MED13: variants seen among roughly 807,000 people sequenced by gnomAD.
MED13 encodes mediator complex subunit 13.
MED13 carries 23 observed loss-of-function variants against 225.2 expected under a neutral mutation model. The ratio of observed to expected loss-of-function variants is 0.10; its 90% CI spans 0.07 to 0.14. The LOEUF (loss-of-function observed/expected upper bound fraction) is 0.14. MED13 is among the 10% of genes least tolerant of loss of function. The pLI is 1.00. For missense variants in MED13, 2,197 were observed against 2,594.5 expected (o/e 0.85, Z 3.33); for synonymous variants, 942 against 889.2 (o/e 1.06, Z -1.06).
At position 61,987,010 on chromosome 17, in the gene MED13, T is replaced by C. The variant is rs1440919726; in HGVS notation, c.2382A>G (p.Leu794=). 3.2e-6 allele frequency: 5 copies of C among 1,558,634 alleles called. No individual in the cohort carries two copies. The highest frequency in any genetic ancestry group is 4.3e-6 in the Non-Finnish European group (5 of 1,153,662). The change falls in exon 12 of 30, where the codon CTA becomes CTG. Residue 794 remains leucine (L), a synonymous_variant. Transcript: ENST00000397786. Reference sequence around the variant, plus strand: ...TATTCATTAATGAGATACTCACTGTTAGTTCATCTTCATCAGAATTGAAGA... The same window carrying C: ...TATTCATTAATGAGATACTCACTGTCAGTTCATCTTCATCAGAATTGAAGA... The part of the protein sequence containing the change: ...DNLFNSDEDE[L]TPGSKKSANG...
intron 23 of MED13, among the ~76,000 whole-genome samples, chr17:61,958,110 C>A (rs1024474227): frequency 2.0e-5 from 3 of 151,974 alleles, no homozygotes; most frequent in African/African-American, 7.2e-5. Context: ...GTGATCCGCC[C>A]GCCTCGGCCT....
chr17:62,051,346 A>C (rs1216947076), intron 3 of MED13, among the ~76,000 whole-genome samples: 1 of 152,216 alleles, frequency 6.6e-6, no homozygotes, highest in Non-Finnish European at 1.5e-5. Flanking sequence ...AAAATGGCAC[A>C]GAGAAAACTC....
intron 3 of MED13, among the ~76,000 whole-genome samples, chr17:62,038,301 C>G (rs1356431751): frequency 1.3e-5 from 2 of 151,962 alleles, no homozygotes; most frequent in Non-Finnish European, 2.9e-5. Context: ...GAGGCTGAGG[C>G]TGAGGTAGAA....
intron 7 of MED13, 63 bp downstream of exon 7, chr17:62,029,788 T>A: frequency 6.5e-7 from 1 of 1,527,152 alleles, no homozygotes; most frequent in Non-Finnish European, 8.9e-7. Context: ...ATACTTTAGA[T>A]ATCTTCTAAT....
In MED13 at chr17:61,989,339, T is replaced by TTTGA. The variant is rs932463793; in HGVS notation, c.2264-2215_2264-2212dup. ...ATTTTAATTTTTAAAATATTTAACA[T>TTTGA]TTGATTGATTGATTGATTGGAGATG... On this transcript the variant is annotated intron_variant, in intron 11 of 29. Coordinates refer to ENST00000397786, the MANE Select transcript of MED13 (RefSeq NM_005121.3). 4.0e-5 allele frequency among the ~76,000 whole-genome samples: 6 copies of TTTGA among 151,168 alleles called. 1 individual carries two copies. The highest frequency in any genetic ancestry group is 4.2e-4 in the South Asian group (2 of 4,792).
chr17:62,003,481 T>C (rs2080414998), intron 9 of MED13, among the ~76,000 whole-genome samples: 1 of 151,174 alleles, frequency 6.6e-6, no homozygotes, highest in South Asian at 2.1e-4. Context: ...GGTGCATGCC[T>C]GTAATCCCAG....
intron 3 of MED13, among the ~76,000 whole-genome samples, chr17:62,040,420 A>C (rs1022668704): frequency 3.3e-5 from 5 of 152,222 alleles, no homozygotes; most frequent in African/African-American, 9.6e-5. Context: ...AAAGTTCCTC[A>C]AATTAAGTAC....
intron 2 of MED13, among the ~76,000 whole-genome samples, chr17:62,061,798 T>C (rs2081041321): frequency 6.6e-6 from 1 of 152,160 alleles, no homozygotes. Context: ...ACACATCACT[T>C]TACACATTTA....
chr17:61,948,664 G>T (rs1249983241), intron 28 of MED13, among the ~76,000 whole-genome samples: 2 of 151,804 alleles, frequency 1.3e-5, no homozygotes, highest in Non-Finnish European at 2.9e-5. Context: ...GACCTCAGGT[G>T]ATCTGCCTGC....
intron 17 of MED13, among the ~76,000 whole-genome samples, chr17:61,970,082 A>G (rs916162789): frequency 7.2e-5 from 11 of 152,352 alleles, no homozygotes; most frequent in African/African-American, 2.2e-4. Flanking sequence ...TCTATGTGCT[A>G]GGTACTGTTC....
chr17:62,029,327 T>C, intron 8 of MED13: 1 of 536,488 alleles, frequency 1.9e-6, no homozygotes, highest in South Asian at 2.9e-5. Context: ...ACTTTCAGAG[T>C]CTGCCTCTGG....
chr17:61,956,130 A>T (rs2079941896), intron 24 of MED13, among the ~76,000 whole-genome samples: 1 of 152,192 alleles, frequency 6.6e-6, no homozygotes, highest in Non-Finnish European at 1.5e-5. Flanking sequence ...AACAATTAAG[A>T]ACAGCAGTAA....
chr17:62,060,072 GTCTGCGCTC>G (rs2081026334), intron 2 of MED13, among the ~76,000 whole-genome samples: 1 of 151,860 alleles, frequency 6.6e-6, no homozygotes, highest in Non-Finnish European at 1.5e-5. Context: ...CGGGTGGACT[GTCTGCGCTC>G]AGGAGTTCGA....
At chr17:62,005,747 T>C (rs1046514661) in intron 9 of MED13, 1 of 152,174 alleles carries the variant, frequency 6.6e-6, no homozygotes, top group South Asian at 2.1e-4. Context: ...AGAGACAGGG[T>C]CTCACTGCTG....
intron 11 of MED13, among the ~76,000 whole-genome samples, chr17:61,990,627 G>GTATGTATATATATATATATATATA (rs1555635070): frequency 2.5e-4 from 35 of 139,002 alleles, no homozygotes; most frequent in African/African-American, 8.3e-4. Flanking sequence ...GGCGCACTGT[G>GTATGTATATATATATATATATATA]TATATATATA....
chr17:61,964,035 A>T (rs1191962602), intron 20 of MED13, among the ~76,000 whole-genome samples: 2 of 152,230 alleles, frequency 1.3e-5, no homozygotes, highest in Non-Finnish European at 2.9e-5. Flanking sequence ...GGTAAATGGC[A>T]GAGCTGAGAT....
chr17:62,050,070 G>A (rs1036745094), intron 3 of MED13, among the ~76,000 whole-genome samples: 1 of 151,604 alleles, frequency 6.6e-6, no homozygotes, highest in African/African-American at 2.4e-5. Context: ...TAAGGAAAGG[G>A]AGAGGAAGCC....
At chr17:61,972,937 C>T (rs764164392) in intron 16 of MED13, 49 bp from the exon 17 acceptor site, 2 of 1,484,156 alleles carry the variant, frequency 1.3e-6, no homozygotes, top group East Asian at 4.6e-5. Context: ...CTATTGCCAA[C>T]ACAAATAAAA....
At chr17:61,973,136 C>T (rs1410334688) in intron 16 of MED13, among the ~76,000 whole-genome samples, 1 of 152,132 alleles carries the variant, frequency 6.6e-6, no homozygotes, top group Admixed American at 6.6e-5. Flanking sequence ...AAAAGTCATT[C>T]ATTAGCTGAT....
Sources: allele counts gnomAD v4.1 joint callset (sites outside exome capture counted in the v4.1 genomes callset), GRCh38; gene constraint gnomAD v4.1.1; transcripts MANE v1.5; gene names NCBI Gene and HGNC (gene_info 2026-07-23, HGNC 2026-07-21).